CASZ1: variants seen among roughly 807,000 people sequenced by gnomAD.
CASZ1 encodes castor zinc finger 1.
A neutral mutation model predicts 135.2 loss-of-function variants in CASZ1; 28 were observed. The observed-to-expected ratio is 0.21, with a 90% confidence interval of 0.15 to 0.28. The LOEUF is 0.28. Ranked by LOEUF, CASZ1 falls within the 10% of genes least tolerant of loss-of-function variation. The probability of loss-of-function intolerance (pLI) is 1.00; values close to 1 mark genes in which losing one functional copy is unlikely to be tolerated. For missense variants in CASZ1, 2,161 were observed against 2,453.3 expected (o/e 0.88, Z 2.52); for synonymous variants, 1,068 against 1,073.4 (o/e 0.99, Z 0.10).
At chr1:10,784,151 C>T (rs1043974349) in intron 1 of CASZ1, among the ~76,000 whole-genome samples, 10 of 152,174 alleles carry the variant, frequency 6.6e-5, no homozygotes, top group Non-Finnish European at 1.3e-4. Context: ...TCTCACCCTG[C>T]CCTGGGAGAG....
At chr1:10,674,720 A>G (rs571841975) in intron 4 of CASZ1, among the ~76,000 whole-genome samples, 3 of 152,330 alleles carry the variant, frequency 2.0e-5, no homozygotes, top group South Asian at 4.1e-4. Context: ...TGGTAACTGC[A>G]GGGCACCGCG....
At chr1:10,683,388 T>A (rs1208586794) in intron 4 of CASZ1, among the ~76,000 whole-genome samples, 1 of 152,154 alleles carries the variant, frequency 6.6e-6, no homozygotes, top group Non-Finnish European at 1.5e-5. Flanking sequence ...CTGGGACAGC[T>A]GCCTGCAAAG....
At chr1:10,734,032 A>T (rs1002501746) in intron 2 of CASZ1, among the ~76,000 whole-genome samples, 1 of 152,144 alleles carries the variant, frequency 6.6e-6, no homozygotes, top group Non-Finnish European at 1.5e-5. Context: ...CCCCAGGCCG[A>T]CCCAACCAGG....
At chr1:10,658,204 G>A (rs1642874566) in intron 7 of CASZ1, 1 of 374,296 alleles carries the variant, frequency 2.7e-6, no homozygotes. Flanking sequence ...GTGACAGCAG[G>A]ACCCAGGCAA....
In CASZ1 at chr1:10,647,652, G is replaced by A; in HGVS notation, c.3497+149C>T. 6.8e-7 allele frequency: 1 copy of A among 1,476,104 alleles called. No individual in the cohort carries two copies. The highest frequency in any genetic ancestry group is 1.4e-5 in the South Asian group (1 of 73,394). 91.4% of individuals were successfully genotyped at this position (1,476,104 alleles called of 1,614,324 possible). A position where few individuals can be genotyped will look rare whatever the true frequency, so the allele number is the denominator to read the frequency against. ...GTAGGAGCAGCAGCATCTTTGGCTA[G>A]AAGGACATCACCCGATGGCCATGCC... On this transcript the variant is annotated intron_variant, in intron 16 of 20. Transcript: ENST00000377022. The surrounding 1 kb of genome is among the most constrained non-coding windows in gnomAD (Gnocchi z 4.9).
chr1:10,786,565 A>C (rs1249261553), intron 1 of CASZ1, among the ~76,000 whole-genome samples: 1 of 152,202 alleles, frequency 6.6e-6, no homozygotes, highest in Non-Finnish European at 1.5e-5. Context: ...ACACACAGAC[A>C]TGTGGTCCTA....
rs1300274916 is a variant in CASZ1, at chr1:10,709,295, T to C, written c.-76-3751A>G. On this transcript the variant is annotated intron_variant, in intron 2 of 20. Transcript: ENST00000377022. The surrounding 1 kb of genome is among the most constrained non-coding windows in gnomAD (Gnocchi z 5.1). ...CGCCCCCGCACTCCACTGCGTCTCC[T>C]TCCCCCTGCCCCCAGCCCCATCCTC... Among the ~76,000 whole-genome samples the C allele has an allele frequency of 1.3e-5, 2 of 152,164 alleles. No homozygotes were observed. The highest frequency in any genetic ancestry group is 4.8e-5 in the African/African-American group (2 of 41,460).
chr1:10,672,259 T>C lies in CASZ1; in HGVS notation c.17-6688A>G, dbSNP rs1012297426. 4.4e-5 allele frequency among the ~76,000 whole-genome samples: 5 copies of C among 112,546 alleles called. No homozygotes were observed. The Admixed American group carries it at 6.2e-4, about 14-fold the overall frequency. The allele number at this position is 112,546 out of a possible 152,430, so 73.8% of individuals were successfully genotyped here. On this transcript the variant is annotated intron_variant, in intron 4 of 20. Transcript: ENST00000377022. ...GCACTATAAAAACACAAATATGCCA[T>C]AACTCAGCCGCCCGGCCGCCCAGCC...
chr1:10,730,590 T>C (rs1212158266), intron 2 of CASZ1, among the ~76,000 whole-genome samples: 1 of 152,192 alleles, frequency 6.6e-6, no homozygotes, highest in Non-Finnish European at 1.5e-5. Context: ...TTTTCAGATT[T>C]GAGTGTTTGG....
Position 10,684,686 on chromosome 1 carries a change from C to T in CASZ1, c.16+9188G>A, listed in dbSNP as rs138678300. Among the ~76,000 whole-genome samples the T allele has an allele frequency of 9.2e-5, 14 of 152,332 alleles. No individual in the cohort carries two copies. The East Asian group carries it at 2.3e-3, about 25-fold the overall frequency. ...TTGGTCATCCTATCGCGAGACACCA[C>T]GATGCTGACCACACAGTCTAAGAGC... On this transcript the variant is annotated intron_variant, in intron 4 of 20. Transcript: ENST00000377022.
In CASZ1 at chr1:10,739,338, C is replaced by T. The variant is rs915269481; in HGVS notation, c.-77+21363G>A. ...ACATGTGCCACTCTGTGAGTGTCAC[C>T]GCGAGGGAAACCCTCCCAGGGGCCC... is the stretch of plus-strand genomic sequence containing the variant. On this transcript the variant is annotated intron_variant, in intron 2 of 20. Transcript: ENST00000377022. The surrounding 1 kb of genome is among the most constrained non-coding windows in gnomAD (Gnocchi z 4.8). Among the ~76,000 whole-genome samples, 9 of 152,016 alleles carry T rather than the reference C, an allele frequency of 5.9e-5. No homozygotes were observed. The highest frequency in any genetic ancestry group is 2.0e-4 in the Admixed American group (3 of 15,280).
intron 2 of CASZ1, among the ~76,000 whole-genome samples, chr1:10,748,371 A>G (rs956277071): frequency 6.6e-6 from 1 of 152,196 alleles, no homozygotes; most frequent in Admixed American, 6.5e-5. Context: ...AGCGACGACA[A>G]ATTAGGAGTG....
chr1:10,783,279 ATG>A (rs1640796554), intron 1 of CASZ1, among the ~76,000 whole-genome samples: 1 of 118,708 alleles, frequency 8.4e-6, no homozygotes, highest in African/African-American at 3.3e-5. Context: ...GTGTGTGTGT[ATG>A]TGTGTGTACA....
intron 2 of CASZ1, among the ~76,000 whole-genome samples, chr1:10,713,315 T>G (rs1639320653): frequency 6.6e-6 from 1 of 152,214 alleles, no homozygotes. Flanking sequence ...TGTTACTTAT[T>G]TATTTAATTT....
At chr1:10,728,310 C>T (rs543178728) in intron 2 of CASZ1, among the ~76,000 whole-genome samples, 1 of 152,344 alleles carries the variant, frequency 6.6e-6, no homozygotes, top group East Asian at 1.9e-4. Flanking sequence ...ACCACCCTCC[C>T]GCCCCCTCTG....
chr1:10,754,245 C>T (rs1269065197), intron 2 of CASZ1, among the ~76,000 whole-genome samples: 1 of 152,230 alleles, frequency 6.6e-6, no homozygotes, highest in Non-Finnish European at 1.5e-5. Flanking sequence ...CTTGTTTTCT[C>T]CTTCCCACGC....
At position 10,701,660 on chromosome 1, in the gene CASZ1, T is replaced by C. The variant is rs900074200; in HGVS notation, c.-24+3832A>G. ...GCTCCTCCAGCCTGACACTAATGTA[T>C]TCAACCTGACATCCCATCTTGTCGT... On this transcript the variant is annotated intron_variant, in intron 3 of 20. Coordinates refer to ENST00000377022, the MANE Select transcript of CASZ1 (RefSeq NM_001079843.3). This position sits in a 1 kb window ranked among gnomAD's most constrained non-coding sequence, Gnocchi z 6.3. Among the ~76,000 whole-genome samples, 7 of 152,168 alleles carry C rather than the reference T, an allele frequency of 4.6e-5. No individual in the cohort carries two copies. The highest frequency in any genetic ancestry group is 6.5e-5 in the Admixed American group (1 of 15,282).
Position 10,759,356 on chromosome 1 carries a change from C to A in CASZ1, c.-77+1345G>T, listed in dbSNP as rs139210257. Among the ~76,000 whole-genome samples the A allele has an allele frequency of 1.3e-5, 2 of 152,184 alleles. No individual in the cohort carries two copies. The highest frequency in any genetic ancestry group is 4.8e-5 in the African/African-American group (2 of 41,414). On this transcript the variant is annotated intron_variant, in intron 2 of 20. Coordinates refer to ENST00000377022, the MANE Select transcript of CASZ1 (RefSeq NM_001079843.3). This position sits in a 1 kb window ranked among gnomAD's most constrained non-coding sequence, Gnocchi z 4.2. The stretch of plus-strand genomic sequence containing the variant: ...CTTCAGCGCCACGAAACTCCCCCCA[C>A]GGCCTTTTCCAGGTGACAGTCTAAA...
intron 3 of CASZ1, among the ~76,000 whole-genome samples, chr1:10,695,577 G>GCCCCCCCCCCCCCCCCCCCC (rs1557514564): frequency 6.4e-5 from 1 of 15,564 alleles, no homozygotes; most frequent in Non-Finnish European, 1.3e-4. Context: ...TCCCCTCCCC[G>GCCCCCCCCCCCCCCCCCCCC]CCACCCCCCC....
Sources: allele counts gnomAD v4.1 joint callset (sites outside exome capture counted in the v4.1 genomes callset), GRCh38; gene constraint gnomAD v4.1.1; non-coding constraint Gnocchi (gnomAD v3.1); transcripts MANE v1.5; gene names NCBI Gene and HGNC (gene_info 2026-07-23, HGNC 2026-07-21).